STOX2: variants seen among roughly 807,000 people sequenced by gnomAD.
STOX2 encodes storkhead-box protein 2.
Under a neutral mutation model 60.9 loss-of-function variants are expected in STOX2, and 28 were observed. The ratio of observed to expected loss-of-function variants is 0.46; its 90% CI spans 0.34 to 0.63. STOX2 has a LOEUF of 0.63. Among genes scored for constraint, STOX2 ranks in the 30% least tolerant of loss-of-function variants. The probability of loss-of-function intolerance (pLI) is 0.01; values close to 1 mark genes in which losing one functional copy is unlikely to be tolerated. For synonymous variants in STOX2, 472 were observed against 463.9 expected, an observed-to-expected ratio of 1.02 and a Z score of -0.22; for missense variants, 1,024 against 1,187.7, an observed-to-expected ratio of 0.86 and a Z score of 2.03.
rs1739878595 is a variant in STOX2 at position 183,842,220 on chromosome 4, A to G, written c.364+44165A>G. Among the ~76,000 whole-genome samples, 2 of 152,208 alleles carry G rather than the reference A, an allele frequency of 1.3e-5. 1 individual carries two copies. The highest frequency in any genetic ancestry group is 4.1e-4 in the South Asian group (2 of 4,832). On this transcript the variant is annotated intron_variant, in intron 1 of 2. Transcript: ENST00000513034. The stretch of plus-strand genomic sequence containing the variant: ...CTCAGTCTTTGTAGGAATGTCTTAG[A>G]TCTGCTTTTTTAGATGGAACCTAGT...
chr4:183,929,178 TCTTGGGGC>T (rs1225396140), intron 1 of STOX2, among the ~76,000 whole-genome samples: 1 of 152,232 alleles, frequency 6.6e-6, no homozygotes, highest in African/African-American at 2.4e-5. Flanking sequence ...TTTGCTGAAG[TCTTGGGGC>T]CTCCCATTGC....
intron 1 of STOX2, among the ~76,000 whole-genome samples, chr4:183,855,967 C>G (rs1391607759): frequency 6.6e-6 from 1 of 152,188 alleles, no homozygotes; most frequent in African/African-American, 2.4e-5. Flanking sequence ...GCCACAGCTG[C>G]TCTGGTTTGG....
intron 1 of STOX2, among the ~76,000 whole-genome samples, chr4:183,896,837 G>A (rs1741350084): frequency 6.6e-6 from 1 of 152,188 alleles, no homozygotes; most frequent in Admixed American, 6.5e-5. Flanking sequence ...GATAAGGTAT[G>A]CATTTTACTT....
intron 1 of STOX2, among the ~76,000 whole-genome samples, chr4:183,963,181 C>T (rs1463469015): frequency 6.6e-6 from 1 of 152,240 alleles, no homozygotes; most frequent in East Asian, 1.9e-4. Context: ...ATACACCTGG[C>T]TCTTTACTGA....
rs367958453 is a variant in STOX2, at chr4:184,009,991, G to A, written c.1153G>A (p.Asp385Asn). The change falls in exon 3 of 4, where the codon GAC (aspartate) becomes AAC (asparagine). Residue 385 changes from aspartate to asparagine, a missense_variant. Asp to Asn is a conservative substitution (Grantham distance 23, BLOSUM62 1). Transcript: ENST00000308497. The surrounding 1 kb of genome is among the most constrained non-coding windows in gnomAD (Gnocchi z 4.0). ...ACGGGTGTCTAAAGGAGACCCTTCC[G>A]ACGGTTCACATCTGGATATCCCAGC... ...KTRVSKGDPS[D>N]GSHLDIPAER... 2.1e-5 allele frequency: 34 copies of A among 1,613,910 alleles called. No individual in the cohort carries two copies. In the African/African-American group the frequency reaches 2.1e-4, roughly 10 times the overall value.
chr4:183,895,294 A>G (rs767847891), intron 1 of STOX2, among the ~76,000 whole-genome samples: 78 of 152,244 alleles, frequency 5.1e-4, no homozygotes, highest in Non-Finnish European at 8.1e-4. Context: ...ATTCTTATCT[A>G]TAAATGGATA....
At chr4:183,963,094 C>T (rs1743458178) in intron 1 of STOX2, among the ~76,000 whole-genome samples, 1 of 152,176 alleles carries the variant, frequency 6.6e-6, no homozygotes, top group Non-Finnish European at 1.5e-5. Context: ...ACTCTCTCTA[C>T]ATTGATCCTT....
At chr4:183,876,933 A>G (rs764128934) in intron 1 of STOX2, among the ~76,000 whole-genome samples, 1 of 152,188 alleles carries the variant, frequency 6.6e-6, no homozygotes, top group Non-Finnish European at 1.5e-5. Context: ...GCATCCTGGA[A>G]CATGGCCGTG....
At chr4:183,810,019 A>G (rs1738999650) in intron 1 of STOX2, among the ~76,000 whole-genome samples, 1 of 152,254 alleles carries the variant, frequency 6.6e-6, no homozygotes, top group Non-Finnish European at 1.5e-5. Flanking sequence ...CTGAATTCAT[A>G]GAGCATAACT....
intron 1 of STOX2, among the ~76,000 whole-genome samples, chr4:183,798,468 C>T (rs1738683626): frequency 6.6e-6 from 1 of 151,894 alleles, no homozygotes; most frequent in South Asian, 2.1e-4. Flanking sequence ...TTCCGGGGCT[C>T]GGGTCGCGCG....
chr4:183,851,504 G>A (rs1458625819), intron 1 of STOX2, among the ~76,000 whole-genome samples: 34 of 44,854 alleles, frequency 7.6e-4, no homozygotes, highest in Non-Finnish European at 1.1e-3. Context: ...AAAGGATGAG[G>A]GAAAGGATGA....
Position 184,009,229 on chromosome 4 carries a change from C to T in STOX2, c.391C>T (p.Pro131Ser). The change falls in exon 3 of 4, where the codon CCA (proline) becomes TCA (serine). Residue 131 changes from proline (P) to serine (S), a missense_variant. By Grantham distance (74) the Pro-to-Ser change is moderately conservative. This residue lies in a region of STOX2 where 922 missense variants were observed against 1,058.3 expected (regional missense o/e 0.87). Transcript: ENST00000308497. The surrounding 1 kb of genome is among the most constrained non-coding windows in gnomAD (Gnocchi z 4.0). ...NTLVRERKIY[P>S]TPDGYFIVTP... ...GCTGGTACGGGAGAGGAAGATCTAC[C>T]CAACTCCAGATGGCTACTTCATCGT... The T allele has an allele frequency of 1.0e-5, 16 of 1,579,970 alleles. No homozygotes were observed. The highest frequency in any genetic ancestry group is 1.4e-5 in the Non-Finnish European group (16 of 1,157,158).
At chr4:183,851,292 A>AGAAAGGATGAGG (rs1477812886) in intron 1 of STOX2, among the ~76,000 whole-genome samples, 7 of 25,394 alleles carry the variant, frequency 2.8e-4, no homozygotes, top group East Asian at 1.1e-3. Flanking sequence ...AAAGGATGAG[A>AGAAAGGATGAGG]GAAAGGATGA....
At chr4:183,875,332 G>T (rs1350541718) in intron 1 of STOX2, among the ~76,000 whole-genome samples, 1 of 152,116 alleles carries the variant, frequency 6.6e-6, no homozygotes, top group Non-Finnish European at 1.5e-5. Context: ...GAATACCTTG[G>T]CTGGGGTTTT....
chr4:183,992,286 C>A (rs1733146022), intron 1 of STOX2, among the ~76,000 whole-genome samples: 1 of 152,130 alleles, frequency 6.6e-6, no homozygotes, highest in Admixed American at 6.5e-5. Context: ...TTACAGAAAT[C>A]AGTCCCACTA....
chr4:183,963,723 G>A (rs1054422717), intron 1 of STOX2, among the ~76,000 whole-genome samples: 3 of 150,586 alleles, frequency 2.0e-5, no homozygotes, highest in Admixed American at 6.6e-5. Context: ...ACCACACCCG[G>A]CCTAAAAATG....
At chr4:183,998,944 T>G (rs1203773082) in intron 1 of STOX2, among the ~76,000 whole-genome samples, 3 of 152,110 alleles carry the variant, frequency 2.0e-5, no homozygotes, top group Non-Finnish European at 4.4e-5. Context: ...CCTAGCTATT[T>G]GGAAGCCTGA....
At chr4:183,828,433 T>C (rs952507351) in intron 1 of STOX2, among the ~76,000 whole-genome samples, 9 of 152,196 alleles carry the variant, frequency 5.9e-5, no homozygotes, top group Non-Finnish European at 1.3e-4. Flanking sequence ...ACATGTCTAT[T>C]TCCTGTATTT....
At chr4:183,813,403 A>G (rs78455685) in intron 1 of STOX2, among the ~76,000 whole-genome samples, 9 of 152,256 alleles carry the variant, frequency 5.9e-5, no homozygotes, top group African/African-American at 2.2e-4. Flanking sequence ...AAGAAAAAAC[A>G]GCCAATGTAG....
Sources: allele counts gnomAD v4.1 joint callset (sites outside exome capture counted in the v4.1 genomes callset), GRCh38; gene constraint gnomAD v4.1.1; regional missense constraint gnomAD v4.1.1; non-coding constraint Gnocchi (gnomAD v3.1); transcripts MANE v1.5; gene names NCBI Gene and HGNC (gene_info 2026-07-23, HGNC 2026-07-21).